Variants in GRIK2 observed in about 807,000 individuals in gnomAD.
The protein encoded by GRIK2 is glutamate receptor ionotropic, kainate 2.
Under a neutral mutation model 100.3 loss-of-function variants are expected in GRIK2, and 32 were observed. The observed-to-expected ratio is 0.32, with a 90% confidence interval of 0.24 to 0.43. The LOEUF (loss-of-function observed/expected upper bound fraction) is 0.43, where lower values mean the gene tolerates loss of function less well. Among genes scored for constraint, GRIK2 ranks in the 20% least tolerant of loss-of-function variants. GRIK2 has a pLI of 1.00. For synonymous variants in GRIK2, 417 were observed against 389.4 expected, an observed-to-expected ratio of 1.07 and a Z score of -0.83; for missense variants, 843 against 1,114.9, an observed-to-expected ratio of 0.76 and a Z score of 3.47.
chr6:101,426,932 C>T (rs1769056176), intron 2 of GRIK2, among the ~76,000 whole-genome samples: 1 of 152,166 alleles, frequency 6.6e-6, no homozygotes, highest in Non-Finnish European at 1.5e-5. Context: ...GCTATGTTTT[C>T]TTTAAAGGCC....
intron 14 of GRIK2, among the ~76,000 whole-genome samples, chr6:101,958,259 G>C (rs868280000): frequency 0.025 from 3,817 of 150,588 alleles, 194 homozygotes; most frequent in African/African-American, 0.089. Flanking sequence ...ATATTTGTGT[G>C]TGTGTGTGTG....
At chr6:101,483,944 G>A (rs1772674197) in intron 2 of GRIK2, among the ~76,000 whole-genome samples, 1 of 152,154 alleles carries the variant, frequency 6.6e-6, no homozygotes, top group South Asian at 2.1e-4. Context: ...GCATTAATAT[G>A]AATATTTTGC....
intron 4 of GRIK2, among the ~76,000 whole-genome samples, chr6:101,650,757 C>A (rs1781746623): frequency 6.6e-6 from 1 of 151,952 alleles, no homozygotes; most frequent in African/African-American, 2.4e-5. Context: ...ATTTTAATTC[C>A]CTCTCCCCTT....
At chr6:101,798,137 T>G (rs906512168) in intron 7 of GRIK2, among the ~76,000 whole-genome samples, 51 of 151,932 alleles carry the variant, frequency 3.4e-4, no homozygotes, top group Non-Finnish European at 6.5e-4. Context: ...GAGGAATTAC[T>G]GGGTTAAAAT....
chr6:101,887,489 T>G (rs969568045), intron 11 of GRIK2, among the ~76,000 whole-genome samples: 2 of 56,252 alleles, frequency 3.6e-5, no homozygotes, highest in African/African-American at 1.1e-4. Context: ...AAACTACTAC[T>G]TTATGTTCAT....
At chr6:102,039,773 C>A (rs746017115) in intron 15 of GRIK2, among the ~76,000 whole-genome samples, 39 of 151,442 alleles carry the variant, frequency 2.6e-4, no homozygotes, top group Admixed American at 2.4e-3. Flanking sequence ...TCCATTAGGG[C>A]CAGTTGGTAT....
intron 4 of GRIK2, among the ~76,000 whole-genome samples, chr6:101,671,165 A>C (rs1353970177): frequency 6.6e-6 from 1 of 152,188 alleles, no homozygotes; most frequent in Non-Finnish European, 1.5e-5. Flanking sequence ...ATTTAGGGGT[A>C]ATCTAAATTA....
intron 10 of GRIK2, among the ~76,000 whole-genome samples, chr6:101,819,907 C>G (rs906458257): frequency 6.6e-6 from 1 of 152,110 alleles, no homozygotes; most frequent in East Asian, 1.9e-4. Context: ...TTCTCTACTT[C>G]TTTGTTATAC....
chr6:101,717,771 ACT>A (rs1029666706), intron 7 of GRIK2, among the ~76,000 whole-genome samples: 1 of 151,794 alleles, frequency 6.6e-6, no homozygotes, highest in African/African-American at 2.4e-5. Flanking sequence ...AAATATGGCA[ACT>A]GAGATTCACA....
At chr6:102,049,328 C>G (rs1023943482) in intron 15 of GRIK2, among the ~76,000 whole-genome samples, 4 of 151,918 alleles carry the variant, frequency 2.6e-5, no homozygotes, top group African/African-American at 9.7e-5. Context: ...ACAGAGAGAA[C>G]ACATGTAATA....
intron 10 of GRIK2, among the ~76,000 whole-genome samples, chr6:101,823,670 CA>C (rs1308074369): frequency 6.6e-6 from 1 of 151,982 alleles, no homozygotes; most frequent in Admixed American, 6.6e-5. Context: ...AACAAAAATA[CA>C]ATTTTTGAGC....
chr6:101,424,480 C>A (rs1463821031), intron 2 of GRIK2, among the ~76,000 whole-genome samples: 5 of 151,574 alleles, frequency 3.3e-5, no homozygotes, highest in African/African-American at 1.2e-4. Context: ...TCATCCATGT[C>A]CCTACAAAGG....
intron 7 of GRIK2, among the ~76,000 whole-genome samples, chr6:101,742,249 A>G (rs574018244): frequency 3.8e-4 from 58 of 152,344 alleles, no homozygotes; most frequent in Admixed American, 7.8e-4. Context: ...AGTTTGCAGC[A>G]GAGAAAGAGT....
chr6:101,699,725 T>G (rs2248660), intron 7 of GRIK2, among the ~76,000 whole-genome samples: 138,478 of 152,158 alleles, frequency 0.91, 63,051 homozygotes, highest in South Asian at 0.94. Flanking sequence ...TAGTTGCAAT[T>G]TAAGAAACAG....
chr6:101,831,010 A>G (rs983433113), intron 10 of GRIK2, among the ~76,000 whole-genome samples: 8 of 152,090 alleles, frequency 5.3e-5, no homozygotes, highest in African/African-American at 9.7e-5. Context: ...AAAACATCCT[A>G]TTGGATACCA....
intron 10 of GRIK2, among the ~76,000 whole-genome samples, chr6:101,837,832 G>C (rs940681913): frequency 1.3e-5 from 2 of 152,128 alleles, no homozygotes; most frequent in Non-Finnish European, 2.9e-5. Flanking sequence ...TTCTTGTACT[G>C]TCTCTGGTTA....
chr6:101,627,406 T>C (rs1435571533), intron 4 of GRIK2, among the ~76,000 whole-genome samples: 2 of 152,132 alleles, frequency 1.3e-5, no homozygotes, highest in African/African-American at 2.4e-5. Context: ...CTTCCCAAAC[T>C]GCTGGGATTA....
intron 12 of GRIK2, among the ~76,000 whole-genome samples, chr6:101,923,379 T>C (rs1380817991): frequency 6.6e-6 from 1 of 152,174 alleles, no homozygotes; most frequent in East Asian, 1.9e-4. Context: ...GTGGGTGTAA[T>C]GTTTATGGAT....
At chr6:101,672,323 G>A (rs1465374111) in intron 4 of GRIK2, among the ~76,000 whole-genome samples, 9 of 152,170 alleles carry the variant, frequency 5.9e-5, no homozygotes, top group Middle Eastern at 3.4e-3. Context: ...TGACTCAATT[G>A]TATGGTCCTC....
Sources: gnomAD v4.1 joint callset for allele counts (sites outside exome capture counted in the v4.1 genomes callset) on GRCh38, gnomAD v4.1.1 for gene constraint, MANE v1.5 for transcripts, NCBI Gene and HGNC (gene_info 2026-07-23, HGNC 2026-07-21) for gene names.